Variants in GNA12 observed in about 807,000 individuals in gnomAD.
The protein encoded by GNA12 is G protein subunit alpha 12, also known as guanine nucleotide-binding protein subunit alpha-12.
In GNA12, 9 loss-of-function variants were observed where a neutral mutation model predicts 26.0. The observed-to-expected ratio is 0.35, with a 90% CI of 0.21 to 0.60. GNA12 has a LOEUF of 0.60. Among genes scored for constraint, GNA12 ranks in the 20% least tolerant of loss-of-function variants. The pLI is 0.78. For synonymous variants in GNA12, 264 were observed against 219.6 expected, an observed-to-expected ratio of 1.20 and a Z score of -1.79; for missense variants, 405 against 525.8, an observed-to-expected ratio of 0.77 and a Z score of 2.25.
chr7:2,782,950 C>G (rs1003003523), intron 2 of GNA12, among the ~76,000 whole-genome samples: 2 of 152,168 alleles, frequency 1.3e-5, no homozygotes, highest in South Asian at 4.1e-4. Flanking sequence ...ATGTTCAATT[C>G]TAGAATTTCT....
intron 2 of GNA12, among the ~76,000 whole-genome samples, chr7:2,738,331 G>A (rs1407052443): frequency 6.6e-6 from 1 of 151,962 alleles, no homozygotes; most frequent in East Asian, 1.9e-4. Context: ...GAAATACAAA[G>A]TGACGCAGGC....
chr7:2,825,233 G>C (rs920067834), intron 1 of GNA12, among the ~76,000 whole-genome samples: 2 of 152,152 alleles, frequency 1.3e-5, no homozygotes, highest in Non-Finnish European at 2.9e-5. Context: ...GGCGTGGGAG[G>C]GGAGAAGAAA....
intron 1 of GNA12, among the ~76,000 whole-genome samples, chr7:2,806,457 C>CAAAAAAAAAAAAAAA (rs34036056): frequency 1.0e-3 from 84 of 80,630 alleles, no homozygotes; most frequent in Non-Finnish European, 1.4e-3. Flanking sequence ...GACTCTGTCT[C>CAAAAAAAAAAAAAAA]AAAAAAAAAA....
intron 2 of GNA12, among the ~76,000 whole-genome samples, chr7:2,738,174 C>T (rs980134293): frequency 1.4e-4 from 22 of 152,018 alleles, no homozygotes; most frequent in African/African-American, 4.8e-4. Flanking sequence ...AACCTCAGCA[C>T]GTTGGGAGGC....
intron 1 of GNA12, among the ~76,000 whole-genome samples, chr7:2,797,051 C>T (rs1792693844): frequency 6.6e-6 from 1 of 152,214 alleles, no homozygotes; most frequent in African/African-American, 2.4e-5. Context: ...AAAGCCTTCT[C>T]ATCTCAGAGC....
At chr7:2,740,948 G>C (rs915208306) in intron 2 of GNA12, among the ~76,000 whole-genome samples, 1 of 152,178 alleles carries the variant, frequency 6.6e-6, no homozygotes, top group African/African-American at 2.4e-5. Flanking sequence ...AGGAAGCTAA[G>C]GCAGAAGAAT....
rs1583228276 is a variant in GNA12 at position 2,746,730 on chromosome 7, G to T, written c.526-13229C>A. 2.6e-5 allele frequency among the ~76,000 whole-genome samples: 4 copies of T among 152,186 alleles called. No homozygotes were observed. The East Asian group carries it at 7.7e-4, about 29-fold the overall frequency. ...CTTCAAAAAATTAATGAATCCAGGAGCTGGTTTTTTGAAAAGATCAACAAA... is the reference window on the plus strand; with the variant it reads ...CTTCAAAAAATTAATGAATCCAGGATCTGGTTTTTTGAAAAGATCAACAAA... On this transcript the variant is annotated intron_variant, in intron 2 of 3. Transcript: ENST00000275364.
chr7:2,824,206 C>G (rs1163264799), intron 1 of GNA12, among the ~76,000 whole-genome samples: 3 of 152,162 alleles, frequency 2.0e-5, no homozygotes, highest in Admixed American at 6.5e-5. Flanking sequence ...CCTGGTCTCC[C>G]TCAGTGAGGG....
chr7:2,800,066 T>C (rs1792771172), intron 1 of GNA12, among the ~76,000 whole-genome samples: 1 of 152,214 alleles, frequency 6.6e-6, no homozygotes, highest in Admixed American at 6.5e-5. Flanking sequence ...CACAAAACCC[T>C]GTAATGTTCA....
At chr7:2,825,616 G>A (rs1008708958) in intron 1 of GNA12, among the ~76,000 whole-genome samples, 1 of 152,224 alleles carries the variant, frequency 6.6e-6, no homozygotes, top group Non-Finnish European at 1.5e-5. Context: ...ATTTCTGGCT[G>A]AGAAGGTATC....
intron 1 of GNA12, chr7:2,814,291 G>A: frequency 7.6e-7 from 1 of 1,313,626 alleles, no homozygotes; most frequent in South Asian, 1.2e-5. Context: ...TGGCCGAGGA[G>A]TTGAACGGAG....
At chr7:2,843,087 A>G (rs1209970435) in intron 1 of GNA12, among the ~76,000 whole-genome samples, 1 of 152,212 alleles carries the variant, frequency 6.6e-6, no homozygotes, top group African/African-American at 2.4e-5. Context: ...AGCCTGGGCA[A>G]GAGAGTGAGA....
intron 1 of GNA12, chr7:2,814,362 G>T: frequency 6.2e-7 from 1 of 1,602,946 alleles, no homozygotes; most frequent in Non-Finnish European, 8.5e-7. Context: ...CAGCACTTTC[G>T]GTTTCCATCT....
chr7:2,755,299 G>A (rs1228937117), intron 2 of GNA12, among the ~76,000 whole-genome samples: 1 of 152,184 alleles, frequency 6.6e-6, no homozygotes, highest in Non-Finnish European at 1.5e-5. Flanking sequence ...AAAAGATCTT[G>A]CTGCGATTTT....
At chr7:2,739,720 G>A (rs1054345184) in intron 2 of GNA12, among the ~76,000 whole-genome samples, 1 of 152,050 alleles carries the variant, frequency 6.6e-6, no homozygotes, top group Non-Finnish European at 1.5e-5. Flanking sequence ...CGTTGCTCAG[G>A]CTGAGTGTAG....
chr7:2,743,629 T>C (rs972542626), intron 2 of GNA12, among the ~76,000 whole-genome samples: 6 of 152,044 alleles, frequency 3.9e-5, no homozygotes, highest in African/African-American at 1.4e-4. Flanking sequence ...AGACGGGTGA[T>C]TTCTGCATTT....
chr7:2,778,260 C>G (rs1692165456), intron 2 of GNA12, among the ~76,000 whole-genome samples: 1 of 152,212 alleles, frequency 6.6e-6, no homozygotes, highest in Admixed American at 6.5e-5. Context: ...TTTCATTTGG[C>G]TTAAACGCAA....
intron 2 of GNA12, among the ~76,000 whole-genome samples, chr7:2,771,089 A>G (rs1265995858): frequency 3.3e-5 from 5 of 152,274 alleles, no homozygotes; most frequent in South Asian, 4.1e-4. Flanking sequence ...TTAGGAGTTC[A>G]AGACCAGCCT....
At chr7:2,799,790 A>G (rs1792764736) in intron 1 of GNA12, among the ~76,000 whole-genome samples, 1 of 152,176 alleles carries the variant, frequency 6.6e-6, no homozygotes, top group Admixed American at 6.5e-5. Context: ...CATCAGGAAA[A>G]AGCAGATCGA....
Sources: allele counts gnomAD v4.1 joint callset (sites outside exome capture counted in the v4.1 genomes callset), GRCh38; gene constraint gnomAD v4.1.1; transcripts MANE v1.5; gene names NCBI Gene and HGNC (gene_info 2026-07-23, HGNC 2026-07-21).